The following PTPRD variants were observed in gnomAD, a reference collection of about 807,000 sequenced individuals.
PTPRD encodes the protein protein tyrosine phosphatase receptor type D, also known as receptor-type tyrosine-protein phosphatase delta.
In PTPRD, 34 loss-of-function variants were observed where a neutral mutation model predicts 214.5. That is an observed-to-expected ratio of 0.16 (90% confidence interval 0.12 to 0.21). PTPRD has a LOEUF of 0.21. Ranked by LOEUF, PTPRD falls within the 10% of genes least tolerant of loss-of-function variation. The pLI, the probability that PTPRD is intolerant of heterozygous loss-of-function variation, is 1.00. For missense variants in PTPRD, 2,545 were observed against 2,398.7 expected (o/e 1.06, Z -1.27); for synonymous variants, 1,128 against 845.7 (o/e 1.33, Z -5.79).
At chr9:8,538,004 G>A (rs2077371409) in intron 14 of PTPRD, among the ~76,000 whole-genome samples, 1 of 151,936 alleles carries the variant, frequency 6.6e-6, no homozygotes, top group Non-Finnish European at 1.5e-5. Flanking sequence ...AAAAAAAGAA[G>A]TACCTTCTCC....
chr9:9,758,148 C>CAAAAAAAAAAAAAA (rs3050038), intron 6 of PTPRD, among the ~76,000 whole-genome samples: 7 of 114,936 alleles, frequency 6.1e-5, no homozygotes, highest in African/African-American at 2.0e-4. Context: ...GTAAAAATGG[C>CAAAAAAAAAAAAAA]AAAAAAAAAA....
chr9:9,485,477 A>G (rs1569568717), intron 8 of PTPRD, among the ~76,000 whole-genome samples: 1 of 152,104 alleles, frequency 6.6e-6, no homozygotes. Flanking sequence ...CTCATTTTCA[A>G]TCTTTCTTCT....
chr9:8,488,520 C>G (rs1279350480), intron 27 of PTPRD, among the ~76,000 whole-genome samples: 2 of 152,108 alleles, frequency 1.3e-5, no homozygotes, highest in East Asian at 3.9e-4. Context: ...GCCCAGGAAC[C>G]ACATCATTGT....
At chr9:10,230,100 T>C (rs1342326782) in intron 3 of PTPRD, among the ~76,000 whole-genome samples, 2 of 152,070 alleles carry the variant, frequency 1.3e-5, no homozygotes, top group South Asian at 2.1e-4. Flanking sequence ...ATAATACTTT[T>C]AAGGTGAGGA....
chr9:10,609,314 G>A (rs1019247178), intron 2 of PTPRD, among the ~76,000 whole-genome samples: 5 of 151,946 alleles, frequency 3.3e-5, no homozygotes. Flanking sequence ...CATTAAGTAG[G>A]TAAGTTTCAA....
intron 11 of PTPRD, among the ~76,000 whole-genome samples, chr9:9,007,137 A>G (rs1480089302): frequency 1.3e-5 from 2 of 152,004 alleles, no homozygotes; most frequent in Non-Finnish European, 2.9e-5. Flanking sequence ...TCAAAATGAA[A>G]AGCTACATTA....
At chr9:9,012,803 C>G (rs576280727) in intron 11 of PTPRD, among the ~76,000 whole-genome samples, 1 of 152,222 alleles carries the variant, frequency 6.6e-6, no homozygotes, top group South Asian at 2.1e-4. Flanking sequence ...CCACTATATC[C>G]TGTAACATCA....
intron 3 of PTPRD, among the ~76,000 whole-genome samples, chr9:10,246,773 G>T (rs919924110): frequency 2.6e-5 from 4 of 151,494 alleles, no homozygotes; most frequent in African/African-American, 9.7e-5. Flanking sequence ...TTGCATACCT[G>T]TATTTAACTA....
At chr9:8,337,645 A>AAT (rs1478088014) in intron 43 of PTPRD, among the ~76,000 whole-genome samples, 2 of 151,958 alleles carry the variant, frequency 1.3e-5, no homozygotes, top group African/African-American at 4.8e-5. Context: ...AAAATTATAC[A>AAT]ATCACAGGGA....
At chr9:9,977,726 AT>A (rs943977180) in intron 4 of PTPRD, among the ~76,000 whole-genome samples, 1 of 152,070 alleles carries the variant, frequency 6.6e-6, no homozygotes, top group Non-Finnish European at 1.5e-5. Flanking sequence ...ATTCATTGTT[AT>A]TTTGCTTTGA....
rs766710921 is a variant in PTPRD at position 9,234,755 on chromosome 9, TCATCTC to T, written c.-202-51398_-202-51393del. The stretch of plus-strand genomic sequence containing the variant: ...CTTTATTCAGTTCCCAAAAAGTTCC[TCATCTC>T]CATCTGAGACCACCTCAGCCTGGAC... On this transcript the variant is annotated intron_variant, in intron 9 of 45. Coordinates refer to ENST00000381196, the MANE Select transcript of PTPRD (RefSeq NM_002839.4). 1.8e-4 allele frequency among the ~76,000 whole-genome samples: 28 copies of T among 152,294 alleles called. No individual in the cohort carries two copies. In the Middle Eastern group the frequency reaches 0.01, roughly 56 times the overall value.
At chr9:8,345,818 T>C (rs970548343) in intron 39 of PTPRD, among the ~76,000 whole-genome samples, 22 of 152,052 alleles carry the variant, frequency 1.4e-4, no homozygotes, top group African/African-American at 5.1e-4. Context: ...TTCGTTTTGT[T>C]TTTTTTATTT....
At chr9:10,218,208 C>T (rs1043171007) in intron 3 of PTPRD, among the ~76,000 whole-genome samples, 2 of 151,788 alleles carry the variant, frequency 1.3e-5, no homozygotes, top group Non-Finnish European at 2.9e-5. Flanking sequence ...TAAAGGCAGA[C>T]TTAAAAATAC....
intron 3 of PTPRD, among the ~76,000 whole-genome samples, chr9:10,047,419 GATATATGTTA>G (rs1313184372): frequency 9.9e-5 from 15 of 151,026 alleles, no homozygotes; most frequent in African/African-American, 3.6e-4. Context: ...ATGATTGTTA[GATATATGTTA>G]CAATTATTTA....
intron 32 of PTPRD, among the ~76,000 whole-genome samples, chr9:8,465,171 A>G (rs1685481112): frequency 6.6e-6 from 1 of 151,958 alleles, no homozygotes; most frequent in Non-Finnish European, 1.5e-5. Flanking sequence ...TGGTTCTAAC[A>G]CCATGATATT....
intron 14 of PTPRD, among the ~76,000 whole-genome samples, chr9:8,530,541 T>A (rs1592905882): frequency 6.6e-6 from 1 of 152,102 alleles, no homozygotes; most frequent in East Asian, 1.9e-4. Flanking sequence ...CATGAGTTTA[T>A]CCCTCCACAC....
chr9:10,310,779 A>G (rs1490563694), intron 3 of PTPRD, among the ~76,000 whole-genome samples: 2 of 152,104 alleles, frequency 1.3e-5, no homozygotes, highest in Non-Finnish European at 2.9e-5. Context: ...CTAATAACAG[A>G]CAGCTGTAGT....
intron 11 of PTPRD, among the ~76,000 whole-genome samples, chr9:8,918,816 T>C (rs2098805287): frequency 6.6e-6 from 1 of 152,214 alleles, no homozygotes. Flanking sequence ...AAACTTTCTC[T>C]AACACAACAG....
At chr9:8,958,284 G>C (rs1567236366) in intron 11 of PTPRD, among the ~76,000 whole-genome samples, 1 of 151,598 alleles carries the variant, frequency 6.6e-6, no homozygotes, top group African/African-American at 2.4e-5. Flanking sequence ...GAAGATGTGG[G>C]GACACAAATG....
Sources: allele counts gnomAD v4.1 joint callset (sites outside exome capture counted in the v4.1 genomes callset), GRCh38; gene constraint gnomAD v4.1.1; transcripts MANE v1.5; gene names NCBI Gene and HGNC (gene_info 2026-07-23, HGNC 2026-07-21).